The following SDHAF3 variants were observed in gnomAD, a reference collection of about 807,000 sequenced individuals.
SDHAF3 encodes succinate dehydrogenase complex assembly factor 3.
A neutral mutation model predicts 11.5 loss-of-function variants in SDHAF3; 18 were observed. That is an observed-to-expected ratio of 1.56 (90% CI 1.08 to 2.32). The LOEUF is 2.32. Among genes scored for constraint, SDHAF3 ranks in the 30% most tolerant of loss-of-function variants. The probability of loss-of-function intolerance (pLI) is 0.00; values close to 1 mark genes in which losing one functional copy is unlikely to be tolerated. For synonymous variants in SDHAF3, 72 were observed against 59.3 expected, an observed-to-expected ratio of 1.21 and a Z score of -0.99; for missense variants, 200 against 154.4, an observed-to-expected ratio of 1.30 and a Z score of -1.57.
chr7:97,122,390 C>T (rs1486123133), intron 1 of SDHAF3, among the ~76,000 whole-genome samples: 2 of 151,990 alleles, frequency 1.3e-5, no homozygotes, highest in African/African-American at 2.4e-5. Context: ...GAAGTAAAAG[C>T]CTGATTGAAA....
At chr7:97,135,726 C>T (rs1485064274) in intron 1 of SDHAF3, among the ~76,000 whole-genome samples, 5 of 131,568 alleles carry the variant, frequency 3.8e-5, no homozygotes, top group Admixed American at 8.4e-5. Context: ...CTCACTCTGT[C>T]GCCCAGGCTG....
chr7:97,166,229 C>T (rs1324267370), intron 1 of SDHAF3, among the ~76,000 whole-genome samples: 3 of 152,188 alleles, frequency 2.0e-5, no homozygotes, highest in Non-Finnish European at 4.4e-5. Context: ...GACACAGCCT[C>T]AGGAGGTCCT....
chr7:97,142,524 T>C (rs1047733600), intron 1 of SDHAF3: 2 of 152,224 alleles, frequency 1.3e-5, no homozygotes, highest in African/African-American at 4.8e-5. Flanking sequence ...TATGCATAGC[T>C]GGTTCAGTTT....
chr7:97,158,397 G>A (rs551853927), intron 1 of SDHAF3, among the ~76,000 whole-genome samples: 55 of 152,140 alleles, frequency 3.6e-4, no homozygotes, highest in African/African-American at 1.1e-3. Context: ...GCACAATCTC[G>A]GCTCATTGCA....
chr7:97,180,445 G>GCT (rs1308823441), intron 1 of SDHAF3, among the ~76,000 whole-genome samples: 3 of 152,142 alleles, frequency 2.0e-5, no homozygotes, highest in African/African-American at 7.2e-5. Flanking sequence ...CTGACAGCAT[G>GCT]GACTACTGGA....
intron 1 of SDHAF3, among the ~76,000 whole-genome samples, chr7:97,172,180 A>G (rs1029235958): frequency 2.1e-4 from 32 of 152,202 alleles, no homozygotes; most frequent in African/African-American, 7.5e-4. Context: ...GCATATTCAA[A>G]TAGCATATAT....
chr7:97,142,042 C>CTTTTGTTTTTTTTTTT (rs1789055456), intron 1 of SDHAF3, among the ~76,000 whole-genome samples: 1 of 61,680 alleles, frequency 1.6e-5, no homozygotes, highest in East Asian at 6.7e-4. Context: ...GAATTGTTGT[C>CTTTTGTTTTTTTTTTT]TTTTTTTTTT....
intron 1 of SDHAF3, among the ~76,000 whole-genome samples, chr7:97,151,055 C>T (rs934281602): frequency 6.6e-6 from 1 of 152,008 alleles, no homozygotes; most frequent in Non-Finnish European, 1.5e-5. Flanking sequence ...TACCTTCTGC[C>T]CCAACATATG....
At chr7:97,177,644 T>G (rs1789700994) in intron 1 of SDHAF3, among the ~76,000 whole-genome samples, 1 of 152,260 alleles carries the variant, frequency 6.6e-6, no homozygotes, top group African/African-American at 2.4e-5. Context: ...TAAATAGTTT[T>G]GTTCTGTTTA....
chr7:97,175,434 T>C (rs1219036325), intron 1 of SDHAF3, among the ~76,000 whole-genome samples: 3 of 152,136 alleles, frequency 2.0e-5, no homozygotes, highest in African/African-American at 7.2e-5. Flanking sequence ...TATGTAGGTG[T>C]CTGTTGTTCC....
intron 1 of SDHAF3, among the ~76,000 whole-genome samples, chr7:97,156,249 T>C (rs1789300258): frequency 1.3e-5 from 2 of 152,208 alleles, no homozygotes; most frequent in African/African-American, 4.8e-5. Context: ...ACATAGTCTT[T>C]TGTAGAATGT....
chr7:97,165,525 T>C (rs967260127), intron 1 of SDHAF3, among the ~76,000 whole-genome samples: 4 of 152,142 alleles, frequency 2.6e-5, no homozygotes, highest in African/African-American at 9.7e-5. Flanking sequence ...TTGAAGAATT[T>C]AAATGACTAG....
At chr7:97,143,024 C>T (rs1037421389) in intron 1 of SDHAF3, among the ~76,000 whole-genome samples, 12 of 151,320 alleles carry the variant, frequency 7.9e-5, no homozygotes, top group East Asian at 1.9e-4. Context: ...CTCAACCTCC[C>T]GAGTAGCTGG....
intron 1 of SDHAF3, among the ~76,000 whole-genome samples, chr7:97,128,831 G>A (rs956573487): frequency 6.6e-6 from 1 of 152,114 alleles, no homozygotes; most frequent in Admixed American, 6.5e-5. Context: ...CTGAAAGAGA[G>A]CTTCTGATTG....
At chr7:97,154,342 A>G (rs1789271411) in intron 1 of SDHAF3, among the ~76,000 whole-genome samples, 1 of 152,234 alleles carries the variant, frequency 6.6e-6, no homozygotes, top group Admixed American at 6.5e-5. Flanking sequence ...GTATATGTGC[A>G]GGTCACAATG....
At chr7:97,147,907 T>C (rs1219801546) in intron 1 of SDHAF3, among the ~76,000 whole-genome samples, 1 of 152,134 alleles carries the variant, frequency 6.6e-6, no homozygotes, top group Non-Finnish European at 1.5e-5. Context: ...TTTATTTATT[T>C]ATTTATTTTT....
At chr7:97,157,526 A>G (rs1789322913) in intron 1 of SDHAF3, among the ~76,000 whole-genome samples, 2 of 152,196 alleles carry the variant, frequency 1.3e-5, no homozygotes, top group Admixed American at 1.3e-4. Context: ...GTGGGACTGT[A>G]AACTAGTTCA....
At chr7:97,127,222 GC>G (rs143632096) in intron 1 of SDHAF3, among the ~76,000 whole-genome samples, 8,889 of 152,234 alleles carry the variant, frequency 0.058, 658 homozygotes, top group East Asian at 0.29. Flanking sequence ...GCTTGGAGCT[GC>G]CAACCAGAGC....
At position 97,171,738 on chromosome 7, in the gene SDHAF3, A is replaced by ATCTT. The variant is rs759982594; in HGVS notation, c.175-9272_175-9269dup. ...ATAGCCTTTTGTGAGGCAACTAATT[A>ATCTT]TCTTTATTTACAGAGCTTGACAGTT... On this transcript the variant is annotated intron_variant, in intron 1 of 1. Coordinates refer to ENST00000432641, the MANE Select transcript of SDHAF3 (RefSeq NM_020186.3). Among the ~76,000 whole-genome samples the ATCTT allele has an allele frequency of 2.0e-5, 3 of 152,086 alleles. No homozygotes were observed. The East Asian group carries it at 5.8e-4, about 29-fold the overall frequency.
Sources: gnomAD v4.1 joint callset for allele counts (sites outside exome capture counted in the v4.1 genomes callset) on GRCh38, gnomAD v4.1.1 for gene constraint, MANE v1.5 for transcripts, NCBI Gene and HGNC (gene_info 2026-07-23, HGNC 2026-07-21) for gene names.